TENM4: variants seen among roughly 807,000 people sequenced by gnomAD.
TENM4 encodes teneurin-4.
A neutral mutation model predicts 243.3 loss-of-function variants in TENM4; 82 were observed. The observed-to-expected ratio is 0.34, with a 90% CI of 0.28 to 0.40. TENM4 has a LOEUF of 0.40. Ranked by LOEUF, TENM4 falls within the 10% of genes least tolerant of loss-of-function variation. The pLI is 1.00. For synonymous variants in TENM4, 1,412 were observed against 1,456.3 expected (o/e 0.97, Z 0.69); for missense variants, 3,138 against 3,673.3 (o/e 0.85, Z 3.77).
chr11:78,732,503 T>G lies in TENM4; in HGVS notation c.2951A>C (p.His984Pro), dbSNP rs751710316. ...FERAPFITQE[H>P]TLWLPWDRFF... ...GCGATCCCATGGCAGCCACAGGGTG[T>G]GCTCCTGTGTGATGAAAGGTGCCCG... Residue 984 changes from histidine to proline, a missense_variant, in exon 21 of 34, where the codon CAC becomes CCC. His to Pro is a moderately conservative substitution (Grantham distance 77, BLOSUM62 -2). Coordinates refer to ENST00000278550, the MANE Select transcript of TENM4 (RefSeq NM_001098816.3). The G allele has an allele frequency of 6.8e-6, 11 of 1,613,478 alleles. No homozygotes were observed. The highest frequency in any genetic ancestry group is 9.3e-6 in the Non-Finnish European group (11 of 1,179,794).
At chr11:79,395,557 T>G (rs1343439547) in intron 1 of TENM4, among the ~76,000 whole-genome samples, 1 of 152,214 alleles carries the variant, frequency 6.6e-6, no homozygotes, top group Non-Finnish European at 1.5e-5. Flanking sequence ...CGTGTTGTTG[T>G]TGACAAATTC....
intron 6 of TENM4, among the ~76,000 whole-genome samples, chr11:78,987,034 A>G (rs1894000): frequency 0.44 from 67,219 of 152,118 alleles, 16,523 homozygotes; most frequent in East Asian, 0.79. Context: ...GCCCACAGGA[A>G]AGGCTTAATA....
At chr11:79,064,043 C>T (rs948397131) in intron 6 of TENM4, among the ~76,000 whole-genome samples, 13 of 151,516 alleles carry the variant, frequency 8.6e-5, no homozygotes, top group African/African-American at 2.2e-4. Flanking sequence ...CCCTGTGGAA[C>T]GATTAAATCA....
chr11:79,330,994 A>G, intron 1 of TENM4, among the ~76,000 whole-genome samples: 1 of 152,236 alleles, frequency 6.6e-6, no homozygotes, highest in Admixed American at 6.5e-5. Context: ...AACTCAGGCA[A>G]GAGTTGGGAA....
chr11:78,982,531 G>C (rs1000834805), intron 6 of TENM4, among the ~76,000 whole-genome samples: 1 of 152,076 alleles, frequency 6.6e-6, no homozygotes, highest in African/African-American at 2.4e-5. Flanking sequence ...AGCATCTCAA[G>C]TGGTCATGCT....
At chr11:78,713,440 C>T (rs939793455) in intron 25 of TENM4, among the ~76,000 whole-genome samples, 2 of 152,212 alleles carry the variant, frequency 1.3e-5, no homozygotes, top group Non-Finnish European at 1.5e-5. Context: ...GCTGTGCCAA[C>T]AGAGAGAGAA....
intron 4 of TENM4, among the ~76,000 whole-genome samples, chr11:79,084,076 C>A (rs1296490099): frequency 1.3e-5 from 2 of 151,962 alleles, no homozygotes; most frequent in Non-Finnish European, 2.9e-5. Context: ...AATATTTCAC[C>A]AAAAAGGATA....
intron 4 of TENM4, among the ~76,000 whole-genome samples, chr11:79,145,322 T>C (rs1465932951): frequency 6.6e-6 from 1 of 152,002 alleles, no homozygotes; most frequent in Non-Finnish European, 1.5e-5. Context: ...CAACACCCAT[T>C]TAACCTGCCC....
At chr11:79,194,902 C>A (rs1353121945) in intron 3 of TENM4, among the ~76,000 whole-genome samples, 1 of 152,110 alleles carries the variant, frequency 6.6e-6, no homozygotes, top group African/African-American at 2.4e-5. Context: ...TTCACAGCAG[C>A]CCCTCCCATC....
intron 9 of TENM4, among the ~76,000 whole-genome samples, chr11:78,872,198 G>A (rs999599795): frequency 3.3e-5 from 5 of 152,166 alleles, no homozygotes; most frequent in African/African-American, 9.7e-5. Context: ...CTGTCATCAA[G>A]GAAGCACAGG....
chr11:78,709,266 GTCCTTCATGCTT>G (rs1565343319), intron 26 of TENM4, among the ~76,000 whole-genome samples: 1 of 151,518 alleles, frequency 6.6e-6, no homozygotes, highest in East Asian at 1.9e-4. Context: ...TGCCCGGCCC[GTCCTTCATGCTT>G]TTCTATTCTT....
intron 6 of TENM4, chr11:79,014,882 G>A (rs894707023): frequency 2.0e-5 from 3 of 152,238 alleles, no homozygotes; most frequent in African/African-American, 7.2e-5. Flanking sequence ...GGTCTCCATG[G>A]GATTAATGCT....
chr11:79,245,353 T>C lies in TENM4; in HGVS notation c.-264-29444A>G, dbSNP rs377579106. On this transcript the variant is annotated intron_variant, in intron 2 of 33. Transcript: ENST00000278550. ...AAACTTGAACTAGGACGTGGATCAG[T>C]GTGCAGTTGTCAATAGGGCATTAGC... is the stretch of plus-strand genomic sequence containing the variant. 3.3e-4 allele frequency among the ~76,000 whole-genome samples: 50 copies of C among 152,318 alleles called. 2 individuals carry two copies. Among genetic ancestry groups the C allele is most frequent in the South Asian group, 1.7e-3 (8 of 4,822 alleles).
chr11:79,325,896 T>A (rs1856967668), intron 1 of TENM4, among the ~76,000 whole-genome samples: 1 of 152,162 alleles, frequency 6.6e-6, no homozygotes, highest in Non-Finnish European at 1.5e-5. Context: ...ACCAGCTCCA[T>A]CAGGAAATTT....
At chr11:79,093,456 C>G (rs1219637533) in intron 4 of TENM4, 1 of 152,256 alleles carries the variant, frequency 6.6e-6, no homozygotes, top group African/African-American at 2.4e-5. Flanking sequence ...CTACTTCCCC[C>G]ATTCCTAGGG....
intron 6 of TENM4, among the ~76,000 whole-genome samples, chr11:79,048,538 C>A (rs1335036541): frequency 6.6e-6 from 1 of 152,134 alleles, no homozygotes; most frequent in Non-Finnish European, 1.5e-5. Flanking sequence ...TCTACCGAGA[C>A]CCTAATGGCT....
intron 15 of TENM4, among the ~76,000 whole-genome samples, chr11:78,797,472 T>C (rs1039118276): frequency 6.6e-6 from 1 of 152,216 alleles, no homozygotes; most frequent in African/African-American, 2.4e-5. Flanking sequence ...CAGAAGGGCT[T>C]ATATTTGCAT....
chr11:79,134,484 T>C (rs1436505889), intron 4 of TENM4, among the ~76,000 whole-genome samples: 1 of 152,116 alleles, frequency 6.6e-6, no homozygotes, highest in Non-Finnish European at 1.5e-5. Flanking sequence ...TTCACAGAAC[T>C]AGAAAAAACA....
At chr11:79,400,778 A>C (rs472186) in intron 1 of TENM4, among the ~76,000 whole-genome samples, 100,429 of 152,114 alleles carry the variant, frequency 0.66, 33,617 homozygotes, top group African/African-American at 0.79. Context: ...TGTCACTTCT[A>C]TTCTTATGTT....
Sources: allele counts gnomAD v4.1 joint callset (sites outside exome capture counted in the v4.1 genomes callset), GRCh38; gene constraint gnomAD v4.1.1; transcripts MANE v1.5; gene names NCBI Gene and HGNC (gene_info 2026-07-23, HGNC 2026-07-21).